Variants in EXPH5 observed in about 807,000 individuals in gnomAD.
EXPH5 encodes the protein exophilin 5.
EXPH5 carries 42 observed loss-of-function variants against 41.1 expected under a neutral mutation model. That is an observed-to-expected ratio of 1.02 (90% CI 0.80 to 1.32). The LOEUF (loss-of-function observed/expected upper bound fraction) is 1.32, where lower values mean the gene tolerates loss of function less well. Among genes scored for constraint, EXPH5 ranks in the 40% most tolerant of loss-of-function variants. The pLI is 0.00. For synonymous variants in EXPH5, 798 were observed against 833.5 expected (o/e 0.96, Z 0.73); for missense variants, 2,298 against 2,314.5 (o/e 0.99, Z 0.15).
intron 1 of EXPH5, among the ~76,000 whole-genome samples, chr11:108,583,679 AT>A (rs200134020): frequency 0.013 from 1,988 of 150,166 alleles, 57 homozygotes; most frequent in African/African-American, 0.045. Flanking sequence ...TAACAAAAAA[AT>A]AAAAATAAAA....
In EXPH5 at chr11:108,593,622, A is replaced by C. The variant is rs2094133977; in HGVS notation, c.-86T>G. On this transcript the variant is annotated 5_prime_UTR_variant, in exon 1 of 6. Transcript: ENST00000265843. Reference sequence around the variant, plus strand: ...TTTCAACCTGTACAAGACCAGTTTCACGAACTTGATCCCACAGCCAATAAT... The same window carrying C: ...TTTCAACCTGTACAAGACCAGTTTCCCGAACTTGATCCCACAGCCAATAAT... 5 of 1,607,142 alleles carry C rather than the reference A, an allele frequency of 3.1e-6. No individual in the cohort carries two copies. In the East Asian group the frequency reaches 1.1e-4, roughly 36 times the overall value.
At chr11:108,605,342 G>C in the EXPH5 span, among the ~76,000 whole-genome samples, 269 of 152,284 alleles carry the variant, frequency 1.8e-3, 2 homozygotes, top group African/African-American at 5.8e-3. Context: ...ATGGAAAATA[G>C]CTGCCTAGGT....
chr11:108,593,777 A>C (rs1286235614), upstream of EXPH5: 1 of 1,535,014 alleles, frequency 6.5e-7, no homozygotes, highest in Admixed American at 2.0e-5. Context: ...TGAACGGCTA[A>C]AGGGAGAGAG....
At position 108,583,543 on chromosome 11, in the gene EXPH5, C is replaced by T. The variant is rs530611775; in HGVS notation, c.119+9875G>A. On this transcript the variant is annotated intron_variant, in intron 1 of 5. Coordinates refer to ENST00000265843, the MANE Select transcript of EXPH5 (RefSeq NM_015065.3). ...AACCAGATAAAAGTCATCTACAGGC[C>T]GGGCATGGTGGCTTATGCCTGTAAT... Among the ~76,000 whole-genome samples, 162 of 151,882 alleles carry T rather than the reference C, an allele frequency of 1.1e-3. 1 individual carries two copies. The highest frequency in any genetic ancestry group is 3.6e-3 in the African/African-American group (149 of 41,430).
At position 108,509,976 on chromosome 11, in the gene EXPH5, C is replaced by T. The variant is rs1425251446; in HGVS notation, c.5531G>A (p.Gly1844Glu). ...TLGNEFSVNNGYSRRFRSFSE... is the reference protein window; with the variant it reads ...TLGNEFSVNNEYSRRFRSFSE... ...AAAAGATCTGAATCTTCGACTGTAC[C>T]CATTGTTGACAGAGAATTCATTCCC... is the stretch of plus-strand genomic sequence containing the variant. Residue 1844 changes from glycine to glutamate, a missense_variant, in exon 6 of 6, where the codon GGG (glycine) becomes GAG (glutamate). Gly to Glu is a moderately conservative substitution (Grantham distance 98, BLOSUM62 -2). Transcript: ENST00000265843. 6.2e-7 allele frequency: 1 copy of T among 1,613,606 alleles called. No homozygotes were observed. The highest frequency in any genetic ancestry group is 1.3e-5 in the African/African-American group (1 of 74,880).
Position 108,528,186 on chromosome 11 carries a change from T to C in EXPH5, c.444-2A>G. On this transcript the variant is annotated splice_acceptor_variant, in intron 3 of 5. Transcript: ENST00000265843. LOFTEE classifies it high-confidence loss of function. The stretch of plus-strand genomic sequence containing the variant: ...GGAGGTCCTGCATGGCCATCACATC[T>C]GTGGAAATAATTTGAAATGATTTCT... 1 of 1,608,076 alleles carries C rather than the reference T, an allele frequency of 6.2e-7. No individual in the cohort carries two copies. Among genetic ancestry groups the C allele is most frequent in the South Asian group, 1.1e-5 (1 of 90,692 alleles).
chr11:108,596,950 T>A (rs1293091032), upstream of EXPH5, among the ~76,000 whole-genome samples: 2 of 152,226 alleles, frequency 1.3e-5, no homozygotes, highest in Non-Finnish European at 2.9e-5. Flanking sequence ...ATTTTCAATC[T>A]TAGTATCCGG....
At chr11:108,524,628 A>G (rs1467344339) in intron 4 of EXPH5, among the ~76,000 whole-genome samples, 1 of 152,254 alleles carries the variant, frequency 6.6e-6, no homozygotes, top group Non-Finnish European at 1.5e-5. Flanking sequence ...AACCTCTGTC[A>G]TAGAGTAGCC....
At chr11:108,526,057 A>C (rs976390184) in intron 4 of EXPH5, among the ~76,000 whole-genome samples, 1 of 151,026 alleles carries the variant, frequency 6.6e-6, no homozygotes, top group African/African-American at 2.4e-5. Flanking sequence ...TGGTACTACA[A>C]GTGTGTGCCA....
At chr11:108,567,588 G>A (rs952725723) in intron 1 of EXPH5, among the ~76,000 whole-genome samples, 1 of 151,912 alleles carries the variant, frequency 6.6e-6, no homozygotes, top group African/African-American at 2.4e-5. Context: ...ACATTTCTTG[G>A]GTCCCATACT....
intron 1 of EXPH5, among the ~76,000 whole-genome samples, chr11:108,546,686 A>G (rs1014423406): frequency 1.3e-5 from 2 of 152,194 alleles, no homozygotes; most frequent in African/African-American, 2.4e-5. Context: ...TATTTGCATA[A>G]TATTCAAGCT....
intron 4 of EXPH5, among the ~76,000 whole-genome samples, chr11:108,524,278 A>G (rs1036401306): frequency 3.1e-4 from 47 of 152,258 alleles, no homozygotes; most frequent in African/African-American, 1.1e-3. Flanking sequence ...AATAACAGCA[A>G]CAATAACAAT....
In EXPH5 at chr11:108,511,047, T is replaced by G. The variant is rs771218637; in HGVS notation, c.4460A>C (p.Asp1487Ala). The change falls in exon 6 of 6, where the codon GAC becomes GCC. Residue 1487 changes from aspartate (D) to alanine (A), a missense_variant. Physicochemically the swap from Asp to Ala is moderately radical, Grantham distance 126 (BLOSUM62 -2). Coordinates refer to ENST00000265843, the MANE Select transcript of EXPH5 (RefSeq NM_015065.3). The stretch of plus-strand genomic sequence containing the variant: ...CATTTTTTGGCAGTTGGTTCCAATG[T>G]CCCCTCTGCCTTCCCTAGGCTGTGA... ...SGSQPREGRGDIGTNCQKMTN... is the reference protein window; with the variant it reads ...SGSQPREGRGAIGTNCQKMTN... 6.2e-7 allele frequency: 1 copy of G among 1,614,188 alleles called. No homozygotes were observed. The highest frequency in any genetic ancestry group is 1.1e-5 in the South Asian group (1 of 91,072).
intron 1 of EXPH5, among the ~76,000 whole-genome samples, chr11:108,555,896 A>G (rs1035200998): frequency 3.9e-5 from 6 of 152,090 alleles, no homozygotes; most frequent in Non-Finnish European, 8.8e-5. Context: ...TTTATAAATT[A>G]CCCAGTCTCA....
Position 108,507,018 on chromosome 11 carries a change from A to AATT in EXPH5, c.*2518_*2519insAAT, listed in dbSNP as rs200573709. 1.1e-3 allele frequency: 166 copies of AATT among 152,094 alleles called. 1 individual carries two copies. The highest frequency in any genetic ancestry group is 3.7e-3 in the African/African-American group (152 of 41,498). 9.4% of individuals were successfully genotyped at this position (152,094 alleles called of 1,614,324 possible). On this transcript the variant is annotated 3_prime_UTR_variant, in exon 6 of 6. Transcript: ENST00000265843. ...AGAAAATAATAATAATAATAATAAT[A>AATT]ATCAGATAAATAGAAAAAGAGGAAA...
chr11:108,518,884 G>T (rs961830617), intron 4 of EXPH5, among the ~76,000 whole-genome samples: 4 of 152,088 alleles, frequency 2.6e-5, no homozygotes, highest in Admixed American at 2.6e-4. Context: ...CTCTCTGGTC[G>T]TCCTAACTGC....
intron 1 of EXPH5, among the ~76,000 whole-genome samples, chr11:108,564,758 T>C (rs926707051): frequency 1.1e-4 from 17 of 152,208 alleles, no homozygotes; most frequent in African/African-American, 4.1e-4. Context: ...CATTTCCCCA[T>C]GTGCTTGCCA....
chr11:108,532,179 G>T (rs2093842302), intron 3 of EXPH5, among the ~76,000 whole-genome samples: 2 of 143,646 alleles, frequency 1.4e-5, no homozygotes, highest in South Asian at 2.2e-4. Context: ...CTGCCATAGA[G>T]AATTTTTTTT....
upstream of EXPH5, among the ~76,000 whole-genome samples, chr11:108,594,549 A>G (rs2094135859): frequency 6.6e-6 from 1 of 152,236 alleles, no homozygotes; most frequent in South Asian, 2.1e-4. Context: ...AATGCAATGA[A>G]GAATAATAGA....
Sources: allele counts gnomAD v4.1 joint callset (sites outside exome capture counted in the v4.1 genomes callset), GRCh38; gene constraint gnomAD v4.1.1; transcripts MANE v1.5; gene names NCBI Gene and HGNC (gene_info 2026-07-23, HGNC 2026-07-21).